ALDOA: variants seen among roughly 807,000 people sequenced by gnomAD.
The protein encoded by ALDOA is fructose-bisphosphate aldolase A.
A neutral mutation model predicts 43.9 loss-of-function variants in ALDOA; 26 were observed. That is an observed-to-expected ratio of 0.59 (90% CI 0.43 to 0.82). The LOEUF (loss-of-function observed/expected upper bound fraction) is 0.82. Ranked by LOEUF, ALDOA falls within the 40% of genes least tolerant of loss-of-function variation. The probability of loss-of-function intolerance (pLI) is 0.00; values close to 1 mark genes in which losing one functional copy is unlikely to be tolerated. For missense variants in ALDOA, 498 were observed against 549.5 expected, an observed-to-expected ratio of 0.91 and a Z score of 0.94; for synonymous variants, 258 against 222.6, an observed-to-expected ratio of 1.16 and a Z score of -1.42.
chr16:30,067,024 A>C lies in ALDOA; in HGVS notation c.127A>C (p.Thr43Pro), dbSNP rs1596808699. The change falls in exon 2 of 10, where the codon ACA (threonine) becomes CCA (proline). Residue 43 changes from threonine (T) to proline (P), a missense_variant. Thr to Pro is a conservative substitution (Grantham distance 38). Coordinates refer to ENST00000642816, the MANE Select transcript of ALDOA (RefSeq NM_001243177.4). ...TCAGCTGGGCAACACCCAGCACCAG[A>C]CAGAGTTAGGAAAGGTACAGGGGCA... is the stretch of plus-strand genomic sequence containing the variant. ...HPQLGNTQHQ[T>P]ELGKELATTS... 1 of 1,576,304 alleles carries C rather than the reference A, an allele frequency of 6.3e-7. No individual in the cohort carries two copies. Among genetic ancestry groups the C allele is most frequent in the East Asian group, 2.3e-5 (1 of 42,578 alleles).
chr16:30,069,772 C>T (rs749443540), intron 8 of ALDOA, 58 bp from the exon 9 acceptor site: 80 of 1,612,590 alleles, frequency 5.0e-5, no homozygotes, highest in Non-Finnish European at 6.7e-5. Flanking sequence ...TCCACCAGCT[C>T]CTGCCAGCTT....
chr16:30,069,066 C>A, intron 6 of ALDOA, 88 bp downstream of exon 6: 1 of 1,585,456 alleles, frequency 6.3e-7, no homozygotes, highest in Non-Finnish European at 8.6e-7. Flanking sequence ...TGATGCCTAC[C>A]TCCCCAAAAG....
chr16:30,070,129 G>T lies in ALDOA; in HGVS notation c.1174G>T (p.Ala392Ser). ...TCTCCCTGCTTAGGCCAACAGCCTT[G>T]CCTGTCAAGGAAAGTACACTCCGAG... ...YVKRALANSL[A>S]CQGKYTPSGQ... The change falls in exon 10 of 10, where the codon GCC becomes TCC. Residue 392 changes from alanine to serine, a missense_variant. Ala to Ser is a moderately conservative substitution (Grantham distance 99). Coordinates refer to ENST00000642816, the MANE Select transcript of ALDOA (RefSeq NM_001243177.4). 1.9e-6 allele frequency: 3 copies of T among 1,614,096 alleles called. No individual in the cohort carries two copies. Among genetic ancestry groups the T allele is most frequent in the East Asian group, 2.2e-5 (1 of 44,884 alleles).
In ALDOA at chr16:30,067,722, T is replaced by C. The variant is rs1374024447; in HGVS notation, c.486+61T>C. ...GGAAGTGGAGGAAGGAAATCCAGGT[T>C]AGTGAGGCAGGGAATGAATGCTGGA... is the stretch of plus-strand genomic sequence containing the variant. On this transcript the variant is annotated intron_variant, in intron 4 of 9. Transcript: ENST00000642816. 4 of 1,595,798 alleles carry C rather than the reference T, an allele frequency of 2.5e-6. No individual in the cohort carries two copies. In the East Asian group the frequency reaches 8.9e-5, roughly 36 times the overall value.
chr16:30,068,566 G>C, intron 4 of ALDOA, 80 bp from the exon 5 acceptor site: 1 of 1,504,190 alleles, frequency 6.6e-7, no homozygotes, highest in East Asian at 2.3e-5. Flanking sequence ...TTCCACCACT[G>C]TACTCCAGCC....
intron 1 of ALDOA, among the ~76,000 whole-genome samples, chr16:30,066,503 T>C (rs1338916570): frequency 2.0e-5 from 3 of 152,374 alleles, no homozygotes; most frequent in Admixed American, 6.5e-5. Flanking sequence ...ACAGTGACGA[T>C]GGCAAAGCTT....
chr16:30,066,589 C>T (rs1464037881), intron 1 of ALDOA, among the ~76,000 whole-genome samples: 1 of 152,190 alleles, frequency 6.6e-6, no homozygotes, highest in Non-Finnish European at 1.5e-5. Flanking sequence ...TTATATTTTT[C>T]CTAATGCCCC....
chr16:30,065,311 G>A (rs1383566455), upstream of ALDOA, among the ~76,000 whole-genome samples: 1 of 152,194 alleles, frequency 6.6e-6, no homozygotes, highest in Non-Finnish European at 1.5e-5. Context: ...GCGCGATGTG[G>A]CCCCTATGGT....
chr16:30,066,867 G>T lies in ALDOA; in HGVS notation c.-13-18G>T. ...GATCTTTACATTCTAAAATACTCCG[G>T]TTCGGTTTTGTTTTCAGGCAAGGTG... On this transcript the variant is annotated intron_variant, in intron 1 of 9. Coordinates refer to ENST00000642816, the MANE Select transcript of ALDOA (RefSeq NM_001243177.4). 1.3e-6 allele frequency: 2 copies of T among 1,545,740 alleles called. No homozygotes were observed. Among genetic ancestry groups the T allele is most frequent in the Non-Finnish European group, 1.7e-6 (2 of 1,144,272 alleles).
Position 30,067,815 on chromosome 16 carries a change from TCA to T in ALDOA, c.486+157_486+158del, listed in dbSNP as rs941860321. The T allele has an allele frequency of 4.8e-6, 4 of 827,618 alleles. No homozygotes were observed. In the African/African-American group the frequency reaches 6.7e-5, roughly 14 times the overall value. The allele number at this position is 827,618 out of a possible 1,614,324, so 51.3% of individuals were successfully genotyped here. ...GGCATTTACTCGACATTTTTAATCCTCACAATTCTGAGAGAACAGTATCATTC... is the reference window on the plus strand; with the variant it reads ...GGCATTTACTCGACATTTTTAATCCTCAATTCTGAGAGAACAGTATCATTC... On this transcript the variant is annotated intron_variant, in intron 4 of 9. Transcript: ENST00000642816.
chr16:30,066,641 C>T (rs960716715), intron 1 of ALDOA, among the ~76,000 whole-genome samples: 2 of 152,184 alleles, frequency 1.3e-5, no homozygotes, highest in African/African-American at 2.4e-5. Flanking sequence ...AAAAGCCTGA[C>T]CTTGGGATGT....
At chr16:30,066,744 C>T (rs1567321948) in intron 1 of ALDOA, 141 bp from the exon 2 acceptor site, 4 of 909,470 alleles carry the variant, frequency 4.4e-6, no homozygotes, top group Middle Eastern at 3.1e-4. Context: ...GTTCTAATCT[C>T]AGATCTGGCT....
intron 4 of ALDOA, 137 bp downstream of exon 4, chr16:30,067,798 C>G (rs2072174871): frequency 3.1e-6 from 3 of 965,168 alleles, no homozygotes. Flanking sequence ...AGGGCATTTA[C>G]TCGACATTTT....
chr16:30,067,683 G>T (rs769145643), intron 4 of ALDOA, 22 bp downstream of exon 4: 1 of 1,613,706 alleles, frequency 6.2e-7, no homozygotes, highest in Non-Finnish European at 8.5e-7. Flanking sequence ...GCCTCCGGAC[G>T]TGAGGTTTGA....
At position 30,069,401 on chromosome 16, in the gene ALDOA, C is replaced by A; in HGVS notation, c.786+12C>A. On this transcript the variant is annotated intron_variant, in intron 7 of 9. Coordinates refer to ENST00000642816, the MANE Select transcript of ALDOA (RefSeq NM_001243177.4). Reference sequence around the variant, plus strand: ...ATGTGACCGAGAAGGTAAATGGCTACCTGCCTGACCAGTGCAAGGTGGCTG... The same window carrying A: ...ATGTGACCGAGAAGGTAAATGGCTAACTGCCTGACCAGTGCAAGGTGGCTG... The A allele has an allele frequency of 6.2e-7, 1 of 1,614,138 alleles. No individual in the cohort carries two copies. Among genetic ancestry groups the A allele is most frequent in the Non-Finnish European group, 8.5e-7 (1 of 1,180,004 alleles).
At chr16:30,069,131 G>T (rs2072224916) in intron 6 of ALDOA, 153 bp downstream of exon 6, 2 of 1,372,312 alleles carry the variant, frequency 1.5e-6, no homozygotes, top group South Asian at 1.2e-5. Flanking sequence ...AGGCAGAGGG[G>T]CCAAGGAGGG....
chr16:30,066,078 C>T (rs2072090341), intron 1 of ALDOA, 151 bp downstream of exon 1: 1 of 152,798 alleles, frequency 6.5e-6, no homozygotes, highest in Non-Finnish European at 1.5e-5. Flanking sequence ...GCCCCTCCAG[C>T]CTGAGGTCCT....
chr16:30,067,176 C>G, intron 2 of ALDOA, 58 bp from the exon 3 acceptor site: 1 of 1,608,756 alleles, frequency 6.2e-7, no homozygotes, highest in Non-Finnish European at 8.5e-7. Context: ...CCCTGGTCAT[C>G]GGGAGATGAT....
At chr16:30,070,070 G>A (rs769511080) in intron 9 of ALDOA, 41 bp downstream of exon 9, 1 of 1,613,610 alleles carries the variant, frequency 6.2e-7, no homozygotes, top group Admixed American at 1.7e-5. Context: ...CTGGGTGGAT[G>A]GGACTCGGAG....
Sources: allele counts gnomAD v4.1 joint callset (sites outside exome capture counted in the v4.1 genomes callset), GRCh38; gene constraint gnomAD v4.1.1; transcripts MANE v1.5; gene names NCBI Gene and HGNC (gene_info 2026-07-23, HGNC 2026-07-21).